METTL15: variants seen among roughly 807,000 people sequenced by gnomAD.
METTL15 encodes the protein methyltransferase 15, mitochondrial 12S rRNA N4-cytidine.
Under a neutral mutation model 38.3 loss-of-function variants are expected in METTL15, and 34 were observed. The ratio of observed to expected loss-of-function variants is 0.89; its 90% CI spans 0.68 to 1.18. METTL15 has a LOEUF of 1.18. Among genes scored for constraint, METTL15 ranks in the 50% most tolerant of loss-of-function variants. The pLI is 0.00. For missense variants in METTL15, 438 were observed against 498.4 expected (o/e 0.88, Z 1.15); for synonymous variants, 162 against 170.9 (o/e 0.95, Z 0.41).
chr11:28,517,538 T>C (rs1358232557), intron 6 of METTL15, among the ~76,000 whole-genome samples: 2 of 152,216 alleles, frequency 1.3e-5, no homozygotes, highest in Non-Finnish European at 2.9e-5. Context: ...CCTGTTTACC[T>C]TTAAAAATAA....
At chr11:28,490,553 A>G (rs1188041465) in intron 6 of METTL15, among the ~76,000 whole-genome samples, 2 of 152,056 alleles carry the variant, frequency 1.3e-5, no homozygotes, top group Non-Finnish European at 2.9e-5. Context: ...TCCCCCTGAG[A>G]TTTTGATTTA....
chr11:28,389,609 A>C lies in METTL15; in HGVS notation c.*358+27573A>C, dbSNP rs770141655. Among the ~76,000 whole-genome samples, 7 of 151,740 alleles carry C rather than the reference A, an allele frequency of 4.6e-5. No homozygotes were observed. In the South Asian group the frequency reaches 1.2e-3, roughly 27 times the overall value. Reference sequence around the variant, plus strand: ...GCATTCCATGTTGTATATGTGCCACATTTTCTTAATCCAGTCTATCATTGT... The same window carrying C: ...GCATTCCATGTTGTATATGTGCCACCTTTTCTTAATCCAGTCTATCATTGT... On this transcript the variant is annotated intron_variant and NMD_transcript_variant, in intron 5 of 7. Transcript: ENST00000532947.
At chr11:28,130,156 A>G (rs909569170) in intron 3 of METTL15, among the ~76,000 whole-genome samples, 36 of 152,066 alleles carry the variant, frequency 2.4e-4, no homozygotes, top group African/African-American at 7.7e-4. Flanking sequence ...ACAAAACAAA[A>G]AAAATAATGC....
At chr11:28,335,961 T>C (rs1431758087), downstream of METTL15, among the ~76,000 whole-genome samples, 1 of 152,212 alleles carries the variant, frequency 6.6e-6, no homozygotes, top group Non-Finnish European at 1.5e-5. Flanking sequence ...TCTGGACGTA[T>C]AGTAAACACT....
chr11:28,453,343 G>T (rs1389113467), intron 6 of METTL15, among the ~76,000 whole-genome samples: 2 of 152,164 alleles, frequency 1.3e-5, no homozygotes, highest in African/African-American at 4.8e-5. Flanking sequence ...AAATACATTT[G>T]CTCCAATAAA....
intron 5 of METTL15, among the ~76,000 whole-genome samples, chr11:28,380,699 TA>T (rs1407711469): frequency 6.6e-6 from 1 of 152,158 alleles, no homozygotes; most frequent in Non-Finnish European, 1.5e-5. Flanking sequence ...CTTATTGATA[TA>T]AAAAGTTATG....
At chr11:28,403,496 G>A (rs1850647635) in intron 5 of METTL15, among the ~76,000 whole-genome samples, 1 of 151,976 alleles carries the variant, frequency 6.6e-6, no homozygotes. Context: ...GTATATTTGG[G>A]ATTTCAATCT....
At chr11:28,321,632 A>G (rs1485784447) in intron 6 of METTL15, among the ~76,000 whole-genome samples, 1 of 152,126 alleles carries the variant, frequency 6.6e-6, no homozygotes, top group East Asian at 1.9e-4. Flanking sequence ...TATAATTCCA[A>G]TCAAAATTTT....
chr11:28,300,477 G>C (rs572408501), intron 6 of METTL15, among the ~76,000 whole-genome samples: 1 of 152,078 alleles, frequency 6.6e-6, no homozygotes, highest in African/African-American at 2.4e-5. Flanking sequence ...AGTTTGGTGC[G>C]TTTTGCTAGT....
chr11:28,159,547 C>T (rs551542204), intron 3 of METTL15, among the ~76,000 whole-genome samples: 4 of 152,048 alleles, frequency 2.6e-5, no homozygotes, highest in Non-Finnish European at 4.4e-5. Flanking sequence ...GCTATGACCA[C>T]GTGACCAGCT....
At chr11:28,413,203 T>C (rs1489691360) in intron 5 of METTL15, among the ~76,000 whole-genome samples, 1 of 152,080 alleles carries the variant, frequency 6.6e-6, no homozygotes, top group Non-Finnish European at 1.5e-5. Context: ...CAGTTAGCCA[T>C]CATATCTATT....
At chr11:28,388,177 C>T (rs1244370876) in intron 5 of METTL15, among the ~76,000 whole-genome samples, 3 of 151,986 alleles carry the variant, frequency 2.0e-5, no homozygotes, top group Admixed American at 1.3e-4. Context: ...ACTCTCACTG[C>T]TTCTATTCAA....
At chr11:28,173,903 A>T (rs1200873335) in intron 3 of METTL15, among the ~76,000 whole-genome samples, 1 of 152,160 alleles carries the variant, frequency 6.6e-6, no homozygotes. Context: ...GGTTTCGGGG[A>T]GGAAGACTAC....
chr11:28,267,679 G>A (rs1040605239), intron 4 of METTL15, among the ~76,000 whole-genome samples: 4 of 151,998 alleles, frequency 2.6e-5, no homozygotes, highest in African/African-American at 9.7e-5. Context: ...TCATTTCATT[G>A]TCTTCTCTAC....
At chr11:28,465,195 A>T (rs1321449578) in intron 6 of METTL15, among the ~76,000 whole-genome samples, 1 of 151,978 alleles carries the variant, frequency 6.6e-6, no homozygotes, top group Non-Finnish European at 1.5e-5. Flanking sequence ...GGTAATGACC[A>T]CTTCCCTCTG....
intron 5 of METTL15, among the ~76,000 whole-genome samples, chr11:28,397,638 G>T (rs541615016): frequency 6.6e-6 from 1 of 151,740 alleles, no homozygotes; most frequent in South Asian, 2.1e-4. Context: ...TACACTGTTG[G>T]TGGGACTGTA....
At chr11:28,512,709 C>T (rs1368222916) in intron 6 of METTL15, among the ~76,000 whole-genome samples, 1 of 152,212 alleles carries the variant, frequency 6.6e-6, no homozygotes, top group Non-Finnish European at 1.5e-5. Context: ...CCTCTCGCGC[C>T]TCTCCCTCCA....
intron 4 of METTL15, among the ~76,000 whole-genome samples, chr11:28,280,687 C>A (rs4614434): frequency 0.42 from 53,488 of 126,434 alleles, 10,975 homozygotes; most frequent in African/African-American, 0.62. Flanking sequence ...TTTTTTGTAT[C>A]TTCCAAATTA....
intron 3 of METTL15, among the ~76,000 whole-genome samples, chr11:28,122,440 T>C (rs1039365362): frequency 6.6e-6 from 1 of 151,150 alleles, no homozygotes; most frequent in Non-Finnish European, 1.5e-5. Context: ...TTAATCTCTT[T>C]AACAGTTTTT....
Sources: allele counts gnomAD v4.1 joint callset (sites outside exome capture counted in the v4.1 genomes callset), GRCh38; gene constraint gnomAD v4.1.1; transcripts MANE v1.5; gene names NCBI Gene and HGNC (gene_info 2026-07-23, HGNC 2026-07-21).